The following OTOG variants were observed in gnomAD, a reference collection of about 807,000 sequenced individuals.
OTOG encodes the protein otogelin.
In OTOG, 296 loss-of-function variants were observed where a neutral mutation model predicts 313.8. That is an observed-to-expected ratio of 0.94 (90% confidence interval 0.86 to 1.04). The LOEUF is 1.04. Ranked by LOEUF, OTOG falls within the 50% of genes least tolerant of loss-of-function variation. OTOG has a pLI of 0.00. For missense variants in OTOG, 3,948 were observed against 3,840.1 expected, an observed-to-expected ratio of 1.03 and a Z score of -0.74; for synonymous variants, 1,533 against 1,554.9, an observed-to-expected ratio of 0.99 and a Z score of 0.33.
At chr11:17,584,429 GT>G (rs897842824) in intron 23 of OTOG, among the ~76,000 whole-genome samples, 1 of 151,510 alleles carries the variant, frequency 6.6e-6, no homozygotes, top group East Asian at 1.9e-4. Context: ...ATTTGCTGTA[GT>G]TTTTTTTGCA....
intron 40 of OTOG, among the ~76,000 whole-genome samples, chr11:17,630,084 A>G (rs1274289838): frequency 1.3e-5 from 2 of 152,090 alleles, no homozygotes; most frequent in African/African-American, 4.8e-5. Context: ...CCCTCTACAC[A>G]TGCACTAACA....
intron 48 of OTOG, chr11:17,638,766 G>T: frequency 6.5e-7 from 1 of 1,535,690 alleles, no homozygotes; most frequent in Non-Finnish European, 8.8e-7. Context: ...GAAGGAAAAA[G>T]CAAGTTTCCC....
Position 17,611,074 on chromosome 11 carries a change from G to T in OTOG, c.5774G>T (p.Gly1925Val), listed in dbSNP as rs1387681609. 3 of 1,550,464 alleles carry T rather than the reference G, an allele frequency of 1.9e-6. No homozygotes were observed. The East Asian group carries it at 7.3e-5, about 38-fold the overall frequency. ...KQVSLPTSMY[G>V]SAEGGPTELT... ...GTGTCTCTGCCCACTTCCATGTATG[G>T]TTCTGCAGAGGGTGGGCCCACAGAG... The change falls in exon 36 of 56, where the codon GGT (glycine) becomes GTT (valine). Residue 1925 changes from glycine to valine, a missense_variant. Transcript: ENST00000399397.
intron 15 of OTOG, among the ~76,000 whole-genome samples, chr11:17,564,735 T>G (rs1165531430): frequency 6.6e-6 from 1 of 152,218 alleles, no homozygotes; most frequent in African/African-American, 2.4e-5. Flanking sequence ...GCAAAAAACA[T>G]GTACTTTAAG....
intron 27 of OTOG, 79 bp from the exon 28 acceptor site, chr11:17,593,968 T>G: frequency 6.6e-7 from 1 of 1,525,976 alleles, no homozygotes; most frequent in Non-Finnish European, 8.9e-7. Context: ...GATAGACTCC[T>G]GGGCTCATGG....
intron 31 of OTOG, 82 bp from the exon 32 acceptor site, chr11:17,602,128 C>A: frequency 6.8e-7 from 1 of 1,478,548 alleles, no homozygotes; most frequent in Non-Finnish European, 9.1e-7. Flanking sequence ...TCCCACCCCA[C>A]TGCTGCCAAG....
At chr11:17,569,851 T>A (rs1377211524) in intron 16 of OTOG, among the ~76,000 whole-genome samples, 1 of 152,238 alleles carries the variant, frequency 6.6e-6, no homozygotes, top group Non-Finnish European at 1.5e-5. Flanking sequence ...GCTTCCATAA[T>A]AAAACTGTGT....
In OTOG at chr11:17,548,231, G is replaced by A; in HGVS notation, c.216+19G>A. On this transcript the variant is annotated intron_variant, in intron 3 of 55. Coordinates refer to ENST00000399397, the MANE Select transcript of OTOG (RefSeq NM_001292063.2). ...AGGCCAGGTAAGGGAGGTCTTGGGA[G>A]GGGGCTTCATTGAGCAGGAGCTCAT... 6.5e-7 allele frequency: 1 copy of A among 1,538,400 alleles called. No individual in the cohort carries two copies. Among genetic ancestry groups the A allele is most frequent in the Non-Finnish European group, 8.8e-7 (1 of 1,139,588 alleles).
At chr11:17,616,960 A>G (rs1301659738) in intron 39 of OTOG, among the ~76,000 whole-genome samples, 1 of 152,240 alleles carries the variant, frequency 6.6e-6, no homozygotes, top group Admixed American at 6.5e-5. Flanking sequence ...TCAGTCTTTC[A>G]CTGTAAGGCA....
At chr11:17,591,370 G>A (rs1852928112) in intron 24 of OTOG, 80 bp from the exon 25 acceptor site, 11 of 1,512,304 alleles carry the variant, frequency 7.3e-6, no homozygotes, top group Admixed American at 2.1e-5. Flanking sequence ...ACATGCATTC[G>A]ATAAGCCATG....
In OTOG at chr11:17,613,708, GCATCAAACAGCCAGCCTC is replaced by G; in HGVS notation, c.6528+10_6528+27del. On this transcript the variant is annotated splice_region_variant and intron_variant, in intron 39 of 55. Transcript: ENST00000399397. ...TGATCGCTTCAACCGAAAGGTGAGT[GCATCAAACAGCCAGCCTC>G]CAGGGCAGGGCCACAGTCAGCTGAG... 1 of 1,549,464 alleles carries G rather than the reference GCATCAAACAGCCAGCCTC, an allele frequency of 6.5e-7. No homozygotes were observed. Among genetic ancestry groups the G allele is most frequent in the South Asian group, 1.2e-5 (1 of 84,022 alleles).
chr11:17,641,803 G>T, intron 51 of OTOG, 44 bp from the exon 52 acceptor site: 1 of 1,376,300 alleles, frequency 7.3e-7, no homozygotes, highest in Non-Finnish European at 1.0e-6. Context: ...GAGCCAGGGT[G>T]GAGGTGGGCA....
Position 17,606,067 on chromosome 11 carries a change from C to T in OTOG, c.4088C>T (p.Ala1363Val), listed in dbSNP as rs1170980218. Residue 1363 changes from alanine to valine, a missense_variant, in exon 33 of 56, where the codon GCG becomes GTG. Physicochemically the swap from Ala to Val is moderately conservative, Grantham distance 64. Transcript: ENST00000399397. ...AGCTCCTTCCTCTATGTGTCGGGCG[C>T]GGTGCTGGCCCTGCGGCTGTACGAA... ...KPSSFLYVSG[A>V]VLALRLYEHT... The T allele has an allele frequency of 1.7e-5, 26 of 1,550,182 alleles. No individual in the cohort carries two copies. Among genetic ancestry groups the T allele is most frequent in the East Asian group, 4.9e-5 (2 of 40,932 alleles).
chr11:17,550,217 T>C (rs770924250), intron 3 of OTOG, among the ~76,000 whole-genome samples: 3 of 152,240 alleles, frequency 2.0e-5, no homozygotes, highest in Non-Finnish European at 4.4e-5. Flanking sequence ...CAAGATATCA[T>C]TTATGTTCAT....
rs781354670 is a variant in OTOG at position 17,591,563 on chromosome 11, G to A, written c.2981G>A (p.Gly994Glu). ...GATGGGCTCCCGTTTGACTTCGTGG[G>A]GGCATGCAAAGTGCACCTGGTCAAG... is the stretch of plus-strand genomic sequence containing the variant. Reference protein sequence around the residue: ...TFDGLPFDFVGACKVHLVKST... With the variant: ...TFDGLPFDFVEACKVHLVKST... The change falls in exon 25 of 56, where the codon GGG becomes GAG. Residue 994 changes from glycine (G) to glutamate (E), a missense_variant. Transcript: ENST00000399397. The A allele has an allele frequency of 1.3e-6, 2 of 1,550,528 alleles. No individual in the cohort carries two copies. Among genetic ancestry groups the A allele is most frequent in the Non-Finnish European group, 1.7e-6 (2 of 1,147,028 alleles).
At position 17,610,625 on chromosome 11, in the gene OTOG, G is replaced by T. The variant is rs1408381833; in HGVS notation, c.5325G>T (p.Leu1775=). The T allele has an allele frequency of 6.4e-7, 1 of 1,550,606 alleles. No individual in the cohort carries two copies. Among genetic ancestry groups the T allele is most frequent in the East Asian group, 2.4e-5 (1 of 40,908 alleles). ...CAGAGACCCCAGCTGCCGCCAGCCTGTCAACAGCCACTGATGGGCTGGCAG... is the reference window on the plus strand; with the variant it reads ...CAGAGACCCCAGCTGCCGCCAGCCTTTCAACAGCCACTGATGGGCTGGCAG... The part of the protein sequence containing the change: ...LPPETPAAAS[L]STATDGLAAT... The change falls in exon 36 of 56, where the codon CTG becomes CTT. Residue 1775 remains leucine, a synonymous_variant. Coordinates refer to ENST00000399397, the MANE Select transcript of OTOG (RefSeq NM_001292063.2).
intron 44 of OTOG, among the ~76,000 whole-genome samples, chr11:17,634,613 G>A (rs1203009903): frequency 6.6e-6 from 1 of 152,168 alleles, no homozygotes; most frequent in Admixed American, 6.5e-5. Context: ...CTTTGGGGTT[G>A]CTGTGAGATG....
In OTOG at chr11:17,635,173, C is replaced by A. The variant is rs530321632; in HGVS notation, c.7679C>A (p.Thr2560Asn). 2 of 1,545,698 alleles carry A rather than the reference C, an allele frequency of 1.3e-6. No homozygotes were observed. Among genetic ancestry groups the A allele is most frequent in the Admixed American group, 2.0e-5 (1 of 50,948 alleles). Residue 2560 changes from threonine (T) to asparagine (N), a missense_variant, in exon 46 of 56, where the codon ACC becomes AAC. Physicochemically the swap from Thr to Asn is moderately conservative, Grantham distance 65. Coordinates refer to ENST00000399397, the MANE Select transcript of OTOG (RefSeq NM_001292063.2). The stretch of plus-strand genomic sequence containing the variant: ...GGCCGCCTGGGGGACTCCTGCTGCA[C>A]CTCCTACTTCTGCGGTGGGTCGCCG... ...ITGRLGDSCC[T>N]SYFCACGDCP...
rs55929027 is a variant in OTOG, at chr11:17,588,767, A to T, written c.2867+2186A>T. On this transcript the variant is annotated intron_variant, in intron 24 of 55. Coordinates refer to ENST00000399397, the MANE Select transcript of OTOG (RefSeq NM_001292063.2). ...ATTCTTCATCCTCTCTCTTCCAAAGATCTTTCTCCACCCTAGTGGAGTGAG... is the reference window on the plus strand; with the variant it reads ...ATTCTTCATCCTCTCTCTTCCAAAGTTCTTTCTCCACCCTAGTGGAGTGAG... Among the ~76,000 whole-genome samples the T allele has an allele frequency of 2.6e-3, 402 of 152,102 alleles. 1 individual carries two copies. The highest frequency in any genetic ancestry group is 3.4e-3 in the Non-Finnish European group (229 of 67,988).
Sources: allele counts gnomAD v4.1 joint callset (sites outside exome capture counted in the v4.1 genomes callset), GRCh38; gene constraint gnomAD v4.1.1; transcripts MANE v1.5; gene names NCBI Gene and HGNC (gene_info 2026-07-23, HGNC 2026-07-21).